ENTHD1: variants seen among roughly 807,000 people sequenced by gnomAD.
The protein encoded by ENTHD1 is ENTH domain containing 1.
Under a neutral mutation model 39.1 loss-of-function variants are expected in ENTHD1, and 23 were observed. That is an observed-to-expected ratio of 0.59 (90% confidence interval 0.42 to 0.83). The LOEUF (loss-of-function observed/expected upper bound fraction) is 0.83. Ranked by LOEUF, ENTHD1 falls within the 40% of genes least tolerant of loss-of-function variation. The probability of loss-of-function intolerance (pLI) is 0.00; values close to 1 mark genes in which losing one functional copy is unlikely to be tolerated. For missense variants in ENTHD1, 624 were observed against 705.4 expected, an observed-to-expected ratio of 0.88 and a Z score of 1.31; for synonymous variants, 230 against 258.2, an observed-to-expected ratio of 0.89 and a Z score of 1.05.
At chr22:39,793,932 C>T (rs979951000) in intron 5 of ENTHD1, among the ~76,000 whole-genome samples, 20 of 152,080 alleles carry the variant, frequency 1.3e-4, no homozygotes, top group African/African-American at 4.8e-5. Context: ...AGGATCACTT[C>T]GGCTATTTGG....
At chr22:39,815,559 A>G (rs1358905475) in intron 5 of ENTHD1, among the ~76,000 whole-genome samples, 1 of 152,214 alleles carries the variant, frequency 6.6e-6, no homozygotes, top group Non-Finnish European at 1.5e-5. Flanking sequence ...AGAACTTTGG[A>G]AAACAATCTG....
intron 5 of ENTHD1, among the ~76,000 whole-genome samples, chr22:39,801,898 T>C (rs541435224): frequency 6.6e-6 from 1 of 152,286 alleles, no homozygotes; most frequent in Admixed American, 6.5e-5. Flanking sequence ...AACATTTTTT[T>C]TTAATTTGTT....
At chr22:39,846,717 C>CA (rs1405468572) in intron 3 of ENTHD1, among the ~76,000 whole-genome samples, 1 of 151,886 alleles carries the variant, frequency 6.6e-6, no homozygotes, top group Non-Finnish European at 1.5e-5. Flanking sequence ...ACAACCCCAT[C>CA]AAAAAAATGG....
At chr22:39,821,582 C>T (rs918496159) in intron 4 of ENTHD1, among the ~76,000 whole-genome samples, 16 of 152,184 alleles carry the variant, frequency 1.1e-4, no homozygotes, top group African/African-American at 3.4e-4. Context: ...ATTTATATCC[C>T]TACCATGCCT....
intron 2 of ENTHD1, among the ~76,000 whole-genome samples, chr22:39,864,950 A>G (rs2066171867): frequency 6.6e-6 from 1 of 152,194 alleles, no homozygotes; most frequent in Non-Finnish European, 1.5e-5. Flanking sequence ...ATTACCAAAA[A>G]GCTGCTAATT....
At chr22:39,876,069 T>A in intron 2 of ENTHD1, 1 of 1,613,672 alleles carries the variant, frequency 6.2e-7, no homozygotes. Context: ...AACCTTGAAG[T>A]CCCCACGTAT....
chr22:39,809,745 AACAGGGATG>A (rs1287647106), intron 5 of ENTHD1, among the ~76,000 whole-genome samples: 1 of 152,166 alleles, frequency 6.6e-6, no homozygotes, highest in Non-Finnish European at 1.5e-5. Context: ...GACCAGGGAT[AACAGGGATG>A]GTGCAATGGA....
At chr22:39,822,937 A>G (rs764597145) in intron 4 of ENTHD1, among the ~76,000 whole-genome samples, 2 of 152,198 alleles carry the variant, frequency 1.3e-5, no homozygotes, top group Non-Finnish European at 2.9e-5. Context: ...TTATAGTACA[A>G]TATCATACTC....
intron 2 of ENTHD1, among the ~76,000 whole-genome samples, chr22:39,886,564 A>G (rs2066380744): frequency 6.6e-6 from 1 of 152,138 alleles, no homozygotes. Context: ...CTGCCCTTAA[A>G]AAAAGGTCTA....
At chr22:39,859,554 C>T (rs985744788) in intron 3 of ENTHD1, among the ~76,000 whole-genome samples, 2 of 151,972 alleles carry the variant, frequency 1.3e-5, no homozygotes, top group Non-Finnish European at 2.9e-5. Flanking sequence ...TATTGTTGAC[C>T]CTCAGGGACT....
At chr22:39,776,506 A>G (rs1029773012) in intron 5 of ENTHD1, among the ~76,000 whole-genome samples, 4 of 152,180 alleles carry the variant, frequency 2.6e-5, no homozygotes, top group African/African-American at 7.2e-5. Context: ...GTGCTTTTAT[A>G]CCTGCCAATA....
chr22:39,885,914 A>G (rs2066375453), intron 2 of ENTHD1, among the ~76,000 whole-genome samples: 1 of 152,210 alleles, frequency 6.6e-6, no homozygotes, highest in African/African-American at 2.4e-5. Flanking sequence ...AATGTAATTA[A>G]TGCAACTGAA....
intron 2 of ENTHD1, among the ~76,000 whole-genome samples, chr22:39,866,803 A>T (rs926693382): frequency 7.2e-5 from 11 of 152,212 alleles, no homozygotes; most frequent in East Asian, 5.8e-4. Context: ...TGTGACATCC[A>T]CGAAGTCCAG....
Position 39,744,011 on chromosome 22 carries a change from A to G in ENTHD1, c.1492T>C (p.Ser498Pro), listed in dbSNP as rs766480780. The G allele has an allele frequency of 6.2e-7, 1 of 1,614,134 alleles. No homozygotes were observed. Among genetic ancestry groups the G allele is most frequent in the African/African-American group, 1.3e-5 (1 of 75,044 alleles). ...CTTATATTCTTTTTAGCAGAATCAG[A>G]GTTATTTGGAAGAATTCCCAGTAGA... ...LNLLGILPNN[S>P]DSAKKNISHI... The change falls in exon 7 of 7, where the codon TCT (serine) becomes CCT (proline). Residue 498 changes from serine (S) to proline (P), a missense_variant. Coordinates refer to ENST00000325157, the MANE Select transcript of ENTHD1 (RefSeq NM_152512.4).
intron 5 of ENTHD1, among the ~76,000 whole-genome samples, chr22:39,814,295 C>CAAAAAAATAAAAAAT (rs1018381519): frequency 3.1e-5 from 3 of 97,740 alleles, no homozygotes; most frequent in African/African-American, 7.3e-5. Flanking sequence ...CCCATCTCTA[C>CAAAAAAATAAAAAAT]AAAAAAAAAA....
chr22:39,806,294 T>C (rs1276202019), intron 5 of ENTHD1, among the ~76,000 whole-genome samples: 3 of 152,176 alleles, frequency 2.0e-5, no homozygotes, highest in African/African-American at 7.2e-5. Context: ...TTCAATAGAC[T>C]CTCTTTAGCT....
chr22:39,800,582 C>A (rs540428624), intron 5 of ENTHD1, among the ~76,000 whole-genome samples: 17 of 152,324 alleles, frequency 1.1e-4, no homozygotes, highest in African/African-American at 4.1e-4. Context: ...CTGAGGCCCA[C>A]CTTCCTCTCT....
chr22:39,826,265 T>G (rs1210521810), intron 4 of ENTHD1, among the ~76,000 whole-genome samples: 1 of 152,216 alleles, frequency 6.6e-6, no homozygotes, highest in Non-Finnish European at 1.5e-5. Context: ...CTGATACTGG[T>G]GATTTGTGTC....
chr22:39,886,519 G>A (rs896186098), intron 2 of ENTHD1, among the ~76,000 whole-genome samples: 1 of 152,290 alleles, frequency 6.6e-6, no homozygotes, highest in African/African-American at 2.4e-5. Flanking sequence ...GGAACTCTGC[G>A]TAACTTTCTG....
Sources: gnomAD v4.1 joint callset for allele counts (sites outside exome capture counted in the v4.1 genomes callset) on GRCh38, gnomAD v4.1.1 for gene constraint, MANE v1.5 for transcripts, NCBI Gene and HGNC (gene_info 2026-07-23, HGNC 2026-07-21) for gene names.